GLG1: variants seen among roughly 807,000 people sequenced by gnomAD.
GLG1 encodes the protein golgi glycoprotein 1, also known as Golgi apparatus protein 1.
Under a neutral mutation model 160.5 loss-of-function variants are expected in GLG1, and 38 were observed. The observed-to-expected ratio is 0.24, with a 90% confidence interval of 0.18 to 0.31. The LOEUF is 0.31. Among genes scored for constraint, GLG1 ranks in the 10% least tolerant of loss-of-function variants. The pLI, the probability that GLG1 is intolerant of heterozygous loss-of-function variation, is 1.00. For synonymous variants in GLG1, 644 were observed against 543.4 expected, an observed-to-expected ratio of 1.19 and a Z score of -2.57; for missense variants, 1,373 against 1,505.2, an observed-to-expected ratio of 0.91 and a Z score of 1.45.
At chr16:74,514,295 C>A (rs1205868620) in intron 2 of GLG1, among the ~76,000 whole-genome samples, 1 of 152,160 alleles carries the variant, frequency 6.6e-6, no homozygotes, top group African/African-American at 2.4e-5. Flanking sequence ...GAGAACACCA[C>A]AAAGATACTC....
Position 74,606,852 on chromosome 16 carries a change from C to CTGT in GLG1, c.240_242dup (p.Gln84dup). On this transcript the variant is annotated inframe_insertion, in exon 1 of 26. Coordinates refer to ENST00000422840, the MANE Select transcript of GLG1 (RefSeq NM_001145667.2). The stretch of plus-strand genomic sequence containing the variant: ...GCTGCGGCGGCTGAGGCTGCTGTTG[C>CTGT]TGTTGCTGCTGCTGCTGTTGCTGCT... 6.3e-7 allele frequency: 1 copy of CTGT among 1,597,940 alleles called. No individual in the cohort carries two copies. Among genetic ancestry groups the CTGT allele is most frequent in the Non-Finnish European group, 8.5e-7 (1 of 1,173,232 alleles).
At chr16:74,550,189 T>C (rs1432508400) in intron 1 of GLG1, among the ~76,000 whole-genome samples, 1 of 152,154 alleles carries the variant, frequency 6.6e-6, no homozygotes, top group Non-Finnish European at 1.5e-5. Context: ...AAAATACTTA[T>C]TGATTGTGCT....
In GLG1 at chr16:74,447,930, C is replaced by G. The variant is rs1263893681; in HGVS notation, c.*5237G>C. Reference sequence around the variant, plus strand: ...ACACAATCTAGAGGCACTGTCTGAACTTTCCCCTGGCCCAGGGAGATTTCT... The same window carrying G: ...ACACAATCTAGAGGCACTGTCTGAAGTTTCCCCTGGCCCAGGGAGATTTCT... On this transcript the variant is annotated 3_prime_UTR_variant, in exon 26 of 26. Coordinates refer to ENST00000422840, the MANE Select transcript of GLG1 (RefSeq NM_001145667.2). 1 of 152,372 alleles carries G rather than the reference C, an allele frequency of 6.6e-6. No homozygotes were observed. Among genetic ancestry groups the G allele is most frequent in the Non-Finnish European group, 1.5e-5 (1 of 68,170 alleles). 9.4% of individuals were successfully genotyped at this position (152,372 alleles called of 1,614,324 possible).
chr16:74,498,468 T>TATATATATATATATATATATATATAAA lies in GLG1; in HGVS notation c.775-1825_775-1824insTTTATATATATATATATATATATATAT, dbSNP rs1491206560. Among the ~76,000 whole-genome samples the TATATATATATATATATATATATATAAA allele has an allele frequency of 1.7e-4, 5 of 29,688 alleles. No individual in the cohort carries two copies. The South Asian group carries it at 4.7e-3, about 28-fold the overall frequency. 19.5% of individuals were successfully genotyped at this position (29,688 alleles called of 152,430 possible). ...AAAAAGTATATATATATATATATAT[T>TATATATATATATATATATATATATAAA]ATATTTTATATATATATTTTATATA... On this transcript the variant is annotated intron_variant, in intron 4 of 25. Coordinates refer to ENST00000422840, the MANE Select transcript of GLG1 (RefSeq NM_001145667.2).
Position 74,553,536 on chromosome 16 carries a change from G to A in GLG1, c.439-21383C>T, listed in dbSNP as rs189443353. 7.0e-4 allele frequency among the ~76,000 whole-genome samples: 95 copies of A among 134,982 alleles called. 1 individual carries two copies. The East Asian group carries it at 0.021, about 30-fold the overall frequency. The allele number at this position is 134,982 out of a possible 152,430, so 88.6% of individuals were successfully genotyped here. A position where few individuals can be genotyped will look rare whatever the true frequency, so the allele number is the denominator to read the frequency against. ...CGCCCAGGCTGGAGTGCAGTGGCAC[G>A]ATCTCGGCTCACTGCCAGCTCCGCT... On this transcript the variant is annotated intron_variant, in intron 1 of 25. Coordinates refer to ENST00000422840, the MANE Select transcript of GLG1 (RefSeq NM_001145667.2).
intron 11 of GLG1, 121 bp from the exon 12 acceptor site, chr16:74,477,654 T>A: frequency 1.5e-6 from 1 of 687,542 alleles, no homozygotes; most frequent in Non-Finnish European, 2.4e-6. Context: ...CCAAATTTTA[T>A]ACCTCAAATA....
chr16:74,590,171 T>C (rs1187861077), intron 1 of GLG1, among the ~76,000 whole-genome samples: 3 of 152,024 alleles, frequency 2.0e-5, no homozygotes, highest in African/African-American at 7.2e-5. Context: ...CTAAGTTTTT[T>C]GTATTTTTTA....
chr16:74,500,745 A>G (rs2039589914), intron 4 of GLG1, among the ~76,000 whole-genome samples: 1 of 152,322 alleles, frequency 6.6e-6, no homozygotes, highest in South Asian at 2.1e-4. Flanking sequence ...CATGTCCGCA[A>G]TTAAGTTCCT....
chr16:74,578,564 C>T (rs910656458), intron 1 of GLG1, among the ~76,000 whole-genome samples: 3 of 152,156 alleles, frequency 2.0e-5, no homozygotes, highest in African/African-American at 7.2e-5. Flanking sequence ...TTGCAGAGAA[C>T]TAAGACTGAC....
At chr16:74,537,104 T>C (rs1372236522) in intron 1 of GLG1, among the ~76,000 whole-genome samples, 3 of 152,138 alleles carry the variant, frequency 2.0e-5, no homozygotes, top group Non-Finnish European at 4.4e-5. Context: ...TGACCAAATA[T>C]GAGAGAAATG....
chr16:74,592,883 T>C (rs935055027), intron 1 of GLG1, among the ~76,000 whole-genome samples: 2 of 152,130 alleles, frequency 1.3e-5, no homozygotes, highest in Non-Finnish European at 2.9e-5. Context: ...TAATCCCCAA[T>C]ACAAGTGTTG....
At position 74,570,246 on chromosome 16, in the gene GLG1, G is replaced by C. The variant is rs2018788674; in HGVS notation, c.438+36411C>G. Among the ~76,000 whole-genome samples the C allele has an allele frequency of 3.3e-5, 5 of 152,118 alleles. No homozygotes were observed. In the South Asian group the frequency reaches 8.3e-4, roughly 25 times the overall value. ...CACACCTGACTTCACCATTTCTCCA[G>C]CTGTCTAATAAACTTTGGTGCAAAA... On this transcript the variant is annotated intron_variant, in intron 1 of 25. Coordinates refer to ENST00000422840, the MANE Select transcript of GLG1 (RefSeq NM_001145667.2).
At chr16:74,466,129 C>A (rs1249431552) in intron 18 of GLG1, among the ~76,000 whole-genome samples, 1 of 152,198 alleles carries the variant, frequency 6.6e-6, no homozygotes, top group African/African-American at 2.4e-5. Flanking sequence ...GAGATAGGCT[C>A]TCTGCATTTT....
At chr16:74,580,141 G>A (rs1957905749) in intron 1 of GLG1, among the ~76,000 whole-genome samples, 1 of 151,984 alleles carries the variant, frequency 6.6e-6, no homozygotes. Flanking sequence ...TAAAACACAG[G>A]CCTAAATCCT....
At chr16:74,466,640 ATATACT>A (rs1201334124) in intron 18 of GLG1, among the ~76,000 whole-genome samples, 2 of 152,234 alleles carry the variant, frequency 1.3e-5, no homozygotes, top group Admixed American at 1.3e-4. Context: ...GAATTTTAAA[ATATACT>A]TAAAATCCTC....
intron 1 of GLG1, among the ~76,000 whole-genome samples, chr16:74,546,658 T>C (rs1430073160): frequency 2.0e-5 from 3 of 149,340 alleles, no homozygotes; most frequent in African/African-American, 7.4e-5. Flanking sequence ...GTCAACATAG[T>C]GAAACCCCGT....
intron 17 of GLG1, 109 bp from the exon 18 acceptor site, chr16:74,467,957 A>T (rs2015059756): frequency 1.4e-6 from 1 of 698,342 alleles, no homozygotes; most frequent in African/African-American, 1.8e-5. Context: ...CCTGGCTTCT[A>T]CATAGCAAAG....
At chr16:74,500,365 C>G (rs924776307) in intron 4 of GLG1, among the ~76,000 whole-genome samples, 1 of 151,906 alleles carries the variant, frequency 6.6e-6, no homozygotes. Flanking sequence ...AGAAAAACAT[C>G]TGCTTAAAAT....
intron 1 of GLG1, among the ~76,000 whole-genome samples, chr16:74,596,661 G>T (rs1958309921): frequency 6.6e-6 from 1 of 152,214 alleles, no homozygotes; most frequent in Admixed American, 6.5e-5. Flanking sequence ...CGTGGCTGAT[G>T]ACTACCACAG....
Sources: allele counts gnomAD v4.1 joint callset (sites outside exome capture counted in the v4.1 genomes callset), GRCh38; gene constraint gnomAD v4.1.1; transcripts MANE v1.5; gene names NCBI Gene and HGNC (gene_info 2026-07-23, HGNC 2026-07-21).